ARHGEF28: variants seen among roughly 807,000 people sequenced by gnomAD.
ARHGEF28 encodes Rho guanine nucleotide exchange factor 28.
A neutral mutation model predicts 206.6 loss-of-function variants in ARHGEF28; 152 were observed. The observed-to-expected ratio is 0.74, with a 90% confidence interval of 0.64 to 0.84. The LOEUF is 0.84. ARHGEF28 is among the 40% of genes least tolerant of loss of function. ARHGEF28 has a pLI of 0.00. For missense variants in ARHGEF28, 2,028 were observed against 2,073.2 expected, an observed-to-expected ratio of 0.98 and a Z score of 0.42; for synonymous variants, 763 against 776.4, an observed-to-expected ratio of 0.98 and a Z score of 0.29.
chr5:73,688,058 T>A (rs1358583908), intron 2 of ARHGEF28, among the ~76,000 whole-genome samples: 1 of 152,196 alleles, frequency 6.6e-6, no homozygotes, highest in African/African-American at 2.4e-5. Context: ...AATAAAGATA[T>A]CCTCTCCATT....
At chr5:73,805,852 T>A (rs1000762345) in intron 9 of ARHGEF28, among the ~76,000 whole-genome samples, 1 of 152,190 alleles carries the variant, frequency 6.6e-6, no homozygotes, top group Non-Finnish European at 1.5e-5. Flanking sequence ...GAAGCATATA[T>A]AGGACGAGCC....
intron 27 of ARHGEF28, 132 bp downstream of exon 27, chr5:73,892,362 G>T: frequency 2.1e-6 from 2 of 964,314 alleles, no homozygotes; most frequent in Non-Finnish European, 3.0e-6. Context: ...GCACCTGCCT[G>T]CGATAGCCCC....
chr5:73,740,459 G>A (rs1025048277), intron 2 of ARHGEF28, among the ~76,000 whole-genome samples: 2 of 152,068 alleles, frequency 1.3e-5, no homozygotes, highest in South Asian at 2.1e-4. Context: ...AATCCTTGTC[G>A]TCTTTGGATG....
chr5:73,635,374 T>TA (rs1743641375), intron 1 of ARHGEF28, among the ~76,000 whole-genome samples: 1 of 152,118 alleles, frequency 6.6e-6, no homozygotes, highest in African/African-American at 2.4e-5. Context: ...ATTTTTTTTT[T>TA]ATCATTTATG....
chr5:73,660,859 G>A (rs1434184320), intron 1 of ARHGEF28, among the ~76,000 whole-genome samples: 3 of 152,090 alleles, frequency 2.0e-5, no homozygotes, highest in Non-Finnish European at 4.4e-5. Context: ...TCCAGGCTTT[G>A]TTGTTCTGTT....
chr5:73,673,988 A>G (rs1746501602), intron 1 of ARHGEF28, among the ~76,000 whole-genome samples: 1 of 149,774 alleles, frequency 6.7e-6, no homozygotes, highest in African/African-American at 2.5e-5. Flanking sequence ...CCTGGGCAAC[A>G]GAGTGACACT....
At chr5:73,929,404 A>G (rs6870211) in intron 35 of ARHGEF28, among the ~76,000 whole-genome samples, 10,353 of 152,254 alleles carry the variant, frequency 0.068, 866 homozygotes, top group African/African-American at 0.2. Flanking sequence ...AATCATTATC[A>G]CACCTAAGAA....
intron 2 of ARHGEF28, among the ~76,000 whole-genome samples, chr5:73,690,185 C>T (rs1747727202): frequency 6.6e-6 from 1 of 152,036 alleles, no homozygotes; most frequent in Admixed American, 6.5e-5. Context: ...GCAAGGACAG[C>T]TTAAGAGGAG....
chr5:73,740,363 A>G (rs1199723106), intron 2 of ARHGEF28, among the ~76,000 whole-genome samples: 3 of 152,168 alleles, frequency 2.0e-5, no homozygotes, highest in Non-Finnish European at 4.4e-5. Context: ...CTTTAGCCTC[A>G]TTCTTTCTCA....
At chr5:73,909,939 C>G (rs780776812) in intron 34 of ARHGEF28, 42 bp downstream of exon 34, 10 of 1,475,394 alleles carry the variant, frequency 6.8e-6, no homozygotes, top group African/African-American at 2.8e-5. Context: ...CTCTCAAAGA[C>G]AGGGGTGGGC....
chr5:73,647,945 T>C (rs1447179854), intron 1 of ARHGEF28, among the ~76,000 whole-genome samples: 1 of 152,252 alleles, frequency 6.6e-6, no homozygotes, highest in African/African-American at 2.4e-5. Flanking sequence ...TCTTTGCCTG[T>C]TAATCAGTAC....
intron 2 of ARHGEF28, among the ~76,000 whole-genome samples, chr5:73,693,054 T>C (rs900198586): frequency 1.5e-4 from 23 of 152,252 alleles, no homozygotes; most frequent in African/African-American, 5.3e-4. Context: ...AGAGGGAGAT[T>C]GACTGGCTTG....
chr5:73,846,212 A>G (rs1039277867), intron 11 of ARHGEF28, 56 bp from the exon 12 acceptor site: 7 of 1,536,504 alleles, frequency 4.6e-6, no homozygotes, highest in East Asian at 2.3e-5. Flanking sequence ...GTAGAAACCA[A>G]TGACGCTCTG....
chr5:73,739,828 AAAATAAATAAAT>A (rs571150752), intron 2 of ARHGEF28, among the ~76,000 whole-genome samples: 114 of 140,240 alleles, frequency 8.1e-4, no homozygotes, highest in African/African-American at 2.5e-3. Flanking sequence ...AATAATAATA[AAAATAAATAAAT>A]AAATAAATAA....
intron 9 of ARHGEF28, among the ~76,000 whole-genome samples, chr5:73,824,681 T>A (rs891419544): frequency 6.6e-6 from 1 of 152,022 alleles, no homozygotes; most frequent in Non-Finnish European, 1.5e-5. Context: ...TTGTCCAGGG[T>A]GGTCTTGAAC....
intron 27 of ARHGEF28, 91 bp downstream of exon 27, chr5:73,892,321 C>T (rs1478298198): frequency 4.9e-6 from 7 of 1,438,288 alleles, no homozygotes; most frequent in East Asian, 5.0e-5. Flanking sequence ...AAAACTTTGC[C>T]TCTGCCAGAA....
At chr5:73,939,100 C>T (rs1351805006) in intron 35 of ARHGEF28, among the ~76,000 whole-genome samples, 1 of 152,094 alleles carries the variant, frequency 6.6e-6, no homozygotes, top group Non-Finnish European at 1.5e-5. Flanking sequence ...GAGTCTTGAT[C>T]ATTAGAGCAA....
intron 35 of ARHGEF28, among the ~76,000 whole-genome samples, chr5:73,932,659 CTAAT>C (rs779206109): frequency 2.6e-5 from 4 of 152,130 alleles, no homozygotes; most frequent in African/African-American, 4.8e-5. Flanking sequence ...TCTCATGACT[CTAAT>C]TATATTAGAA....
At chr5:73,701,749 A>T (rs989820265) in intron 2 of ARHGEF28, among the ~76,000 whole-genome samples, 1 of 152,330 alleles carries the variant, frequency 6.6e-6, no homozygotes, top group Middle Eastern at 3.4e-3. Flanking sequence ...ATCACTCAGC[A>T]TAATGCCCTT....
Sources: allele counts gnomAD v4.1 joint callset (sites outside exome capture counted in the v4.1 genomes callset), GRCh38; gene constraint gnomAD v4.1.1; transcripts MANE v1.5; gene names NCBI Gene and HGNC (gene_info 2026-07-23, HGNC 2026-07-21).